The following RNF34 variants were observed in gnomAD, a reference collection of about 807,000 sequenced individuals.
The protein encoded by RNF34 is ring finger protein 34.
Under a neutral mutation model 37.9 loss-of-function variants are expected in RNF34, and 12 were observed. The ratio of observed to expected loss-of-function variants is 0.32; its 90% CI spans 0.20 to 0.51. The LOEUF (loss-of-function observed/expected upper bound fraction) is 0.51. RNF34 is among the 20% of genes least tolerant of loss of function. The pLI is 0.97. For missense variants in RNF34, 362 were observed against 472.7 expected, an observed-to-expected ratio of 0.77 and a Z score of 2.17; for synonymous variants, 155 against 177.2, an observed-to-expected ratio of 0.87 and a Z score of 1.00.
rs573772329 is a variant in RNF34 at position 121,417,701 on chromosome 12, A to C, written c.423A>C (p.Glu141Asp). The C allele has an allele frequency of 7.4e-6, 12 of 1,614,242 alleles. No individual in the cohort carries two copies. The South Asian group carries it at 8.8e-5, about 12-fold the overall frequency. ...CCATAGATACTTGTCGTGAGAAAGAAGACTTGGTGGATCTAGTACTGTGCC... is the reference window on the plus strand; with the variant it reads ...CCATAGATACTTGTCGTGAGAAAGACGACTTGGTGGATCTAGTACTGTGCC... ...NIPIDTCREK[E>D]DLVDLVLCHH... Residue 141 changes from glutamate (E) to aspartate (D), a missense_variant, in exon 3 of 6, where the codon GAA becomes GAC. Glu to Asp is a conservative substitution (Grantham distance 45, BLOSUM62 2). Coordinates refer to ENST00000361234, the MANE Select transcript of RNF34 (RefSeq NM_025126.4). The surrounding 1 kb of genome is among the most constrained non-coding windows in gnomAD (Gnocchi z 5.0).
At chr12:121,401,002 C>G (rs1157324346) in intron 1 of RNF34, among the ~76,000 whole-genome samples, 5 of 152,126 alleles carry the variant, frequency 3.3e-5, no homozygotes, top group Non-Finnish European at 7.4e-5. Context: ...TTGCCGAACT[C>G]AAACCAAGTG....
At chr12:121,408,270 G>A (rs1177625) in intron 1 of RNF34, among the ~76,000 whole-genome samples, 22 of 152,084 alleles carry the variant, frequency 1.4e-4, no homozygotes, top group African/African-American at 4.6e-4. Flanking sequence ...GTGAAACCCC[G>A]TCTCTACTAA....
intron 1 of RNF34, among the ~76,000 whole-genome samples, chr12:121,406,103 A>T (rs1555280647): frequency 1.3e-5 from 2 of 152,052 alleles, no homozygotes. Context: ...TTATTTCTTA[A>T]TTAGCTCCAA....
intron 5 of RNF34, among the ~76,000 whole-genome samples, chr12:121,421,974 T>C (rs1440323996): frequency 6.6e-6 from 1 of 152,224 alleles, no homozygotes; most frequent in Non-Finnish European, 1.5e-5. Flanking sequence ...TCAAAGATGA[T>C]GTCACAGTGG....
intron 1 of RNF34, chr12:121,404,756 T>C (rs560699835): frequency 6.6e-6 from 1 of 152,328 alleles, no homozygotes; most frequent in South Asian, 2.1e-4. Flanking sequence ...TGATAATATA[T>C]TTAATGGAAT....
At chr12:121,414,162 C>T (rs559727039) in intron 1 of RNF34, among the ~76,000 whole-genome samples, 2 of 152,118 alleles carry the variant, frequency 1.3e-5, no homozygotes, top group Non-Finnish European at 2.9e-5. Context: ...ATTTTACATG[C>T]TATTATAAAA....
At chr12:121,413,159 G>T (rs1251196873) in intron 1 of RNF34, among the ~76,000 whole-genome samples, 4 of 152,042 alleles carry the variant, frequency 2.6e-5, no homozygotes, top group African/African-American at 9.7e-5. Flanking sequence ...CCAAGTAGCT[G>T]GGATTACAGG....
In RNF34 at chr12:121,412,228, ATCT is replaced by A. The variant is rs1443744935; in HGVS notation, c.7-3929_7-3927del. On this transcript the variant is annotated intron_variant, in intron 1 of 5. Coordinates refer to ENST00000361234, the MANE Select transcript of RNF34 (RefSeq NM_025126.4). Reference sequence around the variant, plus strand: ...AGGCACGTGCCACCATGCCCAACTAATCTTTTTTTTTTTTTTTTTTTTTTTTTT... The same window carrying A: ...AGGCACGTGCCACCATGCCCAACTAATTTTTTTTTTTTTTTTTTTTTTTTT... 8.6e-3 allele frequency among the ~76,000 whole-genome samples: 1,077 copies of A among 124,946 alleles called. 29 individuals are homozygous for A. The highest frequency in any genetic ancestry group is 0.034 in the African/African-American group (1,021 of 29,750). The allele number at this position is 124,946 out of a possible 152,430, so 82.0% of individuals were successfully genotyped here.
chr12:121,417,940 G>A lies in RNF34; in HGVS notation c.633+29G>A, dbSNP rs781959840. The stretch of plus-strand genomic sequence containing the variant: ...CGAGGGGGTAACTAATTACACCCAG[G>A]GCCCGGCACGCTTATTCTTGGCCGT... On this transcript the variant is annotated intron_variant, in intron 3 of 5. Coordinates refer to ENST00000361234, the MANE Select transcript of RNF34 (RefSeq NM_025126.4). The surrounding 1 kb of genome is among the most constrained non-coding windows in gnomAD (Gnocchi z 5.0). 6 of 1,600,712 alleles carry A rather than the reference G, an allele frequency of 3.7e-6. No homozygotes were observed. Among genetic ancestry groups the A allele is most frequent in the Non-Finnish European group, 5.1e-6 (6 of 1,174,036 alleles).
At chr12:121,402,815 T>G (rs782649938) in intron 1 of RNF34, 5 of 1,573,168 alleles carry the variant, frequency 3.2e-6, no homozygotes, top group East Asian at 4.5e-5. Context: ...AAGGTAACAT[T>G]TGTATCTATA....
chr12:121,416,414 G>T (rs782213405), intron 2 of RNF34, 37 bp downstream of exon 2: 2 of 1,329,728 alleles, frequency 1.5e-6, no homozygotes. Context: ...AACACACATG[G>T]GTCAGCATTC....
intron 1 of RNF34, among the ~76,000 whole-genome samples, chr12:121,410,445 G>A (rs141081411): frequency 0.012 from 1,886 of 151,564 alleles, 47 homozygotes; most frequent in African/African-American, 0.043. Context: ...GCTGAAGCAG[G>A]AGAATTGCTT....
intron 1 of RNF34, among the ~76,000 whole-genome samples, chr12:121,408,957 T>TA (rs1384792823): frequency 6.6e-6 from 1 of 151,846 alleles, no homozygotes; most frequent in Admixed American, 6.6e-5. Flanking sequence ...ATCAGATTGT[T>TA]AAAAACTCAG....
intron 1 of RNF34, among the ~76,000 whole-genome samples, chr12:121,413,056 C>T (rs538273518): frequency 6.7e-6 from 1 of 149,746 alleles, no homozygotes; most frequent in East Asian, 2.0e-4. Flanking sequence ...GGCAGAGTCT[C>T]ACTCTGTCAC....
chr12:121,405,549 T>C (rs1347034590), intron 1 of RNF34, among the ~76,000 whole-genome samples: 2 of 152,174 alleles, frequency 1.3e-5, no homozygotes, highest in African/African-American at 4.8e-5. Flanking sequence ...AGTGGTGCAA[T>C]CTCTGCTTAC....
At chr12:121,402,090 G>A (rs1325639593) in intron 1 of RNF34, among the ~76,000 whole-genome samples, 1 of 152,122 alleles carries the variant, frequency 6.6e-6, no homozygotes, top group African/African-American at 2.4e-5. Flanking sequence ...ACATGTGAAT[G>A]TTCATGTAAG....
At chr12:121,401,354 CAAAAAAA>C (rs563285897) in intron 1 of RNF34, among the ~76,000 whole-genome samples, 6 of 76,798 alleles carry the variant, frequency 7.8e-5, no homozygotes, top group Admixed American at 1.7e-4. Context: ...CTATAGGTAT[CAAAAAAA>C]AAAAAAAAAA....
chr12:121,403,149 C>G (rs1328438620), intron 1 of RNF34, among the ~76,000 whole-genome samples: 2 of 152,190 alleles, frequency 1.3e-5, no homozygotes, highest in Non-Finnish European at 2.9e-5. Context: ...GTAGTCCCAG[C>G]ACTTTGGGAG....
At chr12:121,415,244 C>A in intron 1 of RNF34, 1 of 277,626 alleles carries the variant, frequency 3.6e-6, no homozygotes, top group Non-Finnish European at 8.1e-6. Flanking sequence ...TTTTCCAAGT[C>A]ATTTAAAAAA....
Sources: gnomAD v4.1 joint callset for allele counts (sites outside exome capture counted in the v4.1 genomes callset) on GRCh38, gnomAD v4.1.1 for gene constraint, Gnocchi (gnomAD v3.1) non-coding constraint, MANE v1.5 for transcripts, NCBI Gene and HGNC (gene_info 2026-07-23, HGNC 2026-07-21) for gene names.